The following LRRC37A2 variants were observed in gnomAD, a reference collection of about 807,000 sequenced individuals.
The protein encoded by LRRC37A2 is leucine rich repeat containing 37 member A2.
LRRC37A2 carries 9 observed loss-of-function variants against 68.8 expected under a neutral mutation model. That is an observed-to-expected ratio of 0.13 (90% CI 0.08 to 0.23). The LOEUF is 0.23. Among genes scored for constraint, LRRC37A2 ranks in the 10% least tolerant of loss-of-function variants. The probability of loss-of-function intolerance (pLI) is 1.00; values close to 1 mark genes in which losing one functional copy is unlikely to be tolerated. For missense variants in LRRC37A2, 168 were observed against 950.4 expected (o/e 0.18, Z 10.82); for synonymous variants, 63 against 367.6 (o/e 0.17, Z 9.48).
At chr17:46,494,651 T>C in the LRRC37A2 span, among the ~76,000 whole-genome samples, 1 of 151,524 alleles carries the variant, frequency 6.6e-6, no homozygotes, top group East Asian at 1.9e-4. Flanking sequence ...TTTTCCTCTT[T>C]GATTTTGTTG....
At chr17:46,842,937 A>G in the LRRC37A2 span, among the ~76,000 whole-genome samples, 12 of 152,360 alleles carry the variant, frequency 7.9e-5, no homozygotes, top group African/African-American at 2.9e-4. Context: ...ATGGATGAAG[A>G]AACCGAGGTC....
the LRRC37A2 span, among the ~76,000 whole-genome samples, chr17:47,044,855 T>C: frequency 0.46 from 56,244 of 123,540 alleles, 13,886 homozygotes; most frequent in South Asian, 0.52. Context: ...CTACAAAATA[T>C]ATAAAAATTA....
At chr17:46,708,314 T>G in the LRRC37A2 span, among the ~76,000 whole-genome samples, 4 of 152,254 alleles carry the variant, frequency 2.6e-5, no homozygotes, top group East Asian at 7.7e-4. Context: ...CCACCAGTGG[T>G]GCACAAAAAT....
At chr17:46,815,177 C>T in the LRRC37A2 span, among the ~76,000 whole-genome samples, 2 of 152,084 alleles carry the variant, frequency 1.3e-5, no homozygotes, top group Non-Finnish European at 2.9e-5. Context: ...CCCACCCCAG[C>T]GCCCCCAAGA....
intron 6 of LRRC37A2, among the ~76,000 whole-genome samples, chr17:46,534,863 G>T (rs574788305): frequency 1.5e-4 from 22 of 149,874 alleles, no homozygotes; most frequent in African/African-American, 5.3e-4. Flanking sequence ...CGGCTGCCGG[G>T]CAGAGGGGCT....
At chr17:47,030,088 A>AATCATCATCATC in the LRRC37A2 span, among the ~76,000 whole-genome samples, 2 of 107,122 alleles carry the variant, frequency 1.9e-5, no homozygotes, top group African/African-American at 7.8e-5. Context: ...TAATAATAAT[A>AATCATCATCATC]ATCATCATCA....
the LRRC37A2 span, chr17:46,935,759 G>A: frequency 6.1e-6 from 6 of 986,978 alleles, no homozygotes; most frequent in African/African-American, 1.7e-5. Context: ...CTGACCAGTT[G>A]GCACTGCTGA....
chr17:46,498,156 TGA>T, the LRRC37A2 span, among the ~76,000 whole-genome samples: 3 of 141,956 alleles, frequency 2.1e-5, no homozygotes, highest in Admixed American at 2.1e-4. Context: ...TTCAATCTCT[TGA>T]CCTTGTGATC....
chr17:46,864,139 G>A, the LRRC37A2 span, among the ~76,000 whole-genome samples: 73 of 152,344 alleles, frequency 4.8e-4, no homozygotes, highest in Admixed American at 3.2e-3. Flanking sequence ...GAGGGTGATC[G>A]GAGCCCAGGG....
chr17:46,938,811 G>A, the LRRC37A2 span: 1 of 1,612,222 alleles, frequency 6.2e-7, no homozygotes, highest in East Asian at 2.2e-5. Flanking sequence ...GCAAGTGTGT[G>A]TGTGTGTGAA....
At chr17:46,739,370 CAAAAA>C in the LRRC37A2 span, among the ~76,000 whole-genome samples, 3 of 53,192 alleles carry the variant, frequency 5.6e-5, no homozygotes, top group African/African-American at 2.8e-4. Flanking sequence ...GACTCTGTCT[CAAAAA>C]AAAAAAAAAA....
chr17:46,848,072 C>T, the LRRC37A2 span, among the ~76,000 whole-genome samples: 1 of 151,888 alleles, frequency 6.6e-6, no homozygotes, highest in Non-Finnish European at 1.5e-5. Context: ...TTAATGGAGA[C>T]AGGTAGCTGC....
At chr17:46,801,476 C>T in the LRRC37A2 span, among the ~76,000 whole-genome samples, 11 of 126,136 alleles carry the variant, frequency 8.7e-5, no homozygotes, top group African/African-American at 2.7e-4. Flanking sequence ...AAAAATTAGC[C>T]GAGCATGGTG....
rs1382301266 is a variant in LRRC37A2 at position 46,535,083 on chromosome 17, AGG to A, written c.2907-5091_2907-5090del. ...TTATTTTCAAATTTTTTGTAGAGAC[AGG>A]GTTTTACTCTATTGCCAGTGCTGGT... On this transcript the variant is annotated intron_variant, in intron 6 of 14. Transcript: ENST00000576629. Among the ~76,000 whole-genome samples the A allele has an allele frequency of 6.1e-5, 9 of 148,182 alleles. 1 individual carries two copies. The highest frequency in any genetic ancestry group is 2.1e-4 in the African/African-American group (8 of 38,364).
At chr17:46,996,834 G>A in the LRRC37A2 span, among the ~76,000 whole-genome samples, 1 of 152,166 alleles carries the variant, frequency 6.6e-6, no homozygotes, top group Non-Finnish European at 1.5e-5. Context: ...TATTTATTAT[G>A]ATTTTGTCGG....
the LRRC37A2 span, among the ~76,000 whole-genome samples, chr17:46,382,385 T>C: frequency 2.8e-5 from 2 of 70,706 alleles, no homozygotes; most frequent in African/African-American, 8.7e-5. Flanking sequence ...TTTTAGAGGC[T>C]GAGTCTCACT....
chr17:47,028,451 C>A, the LRRC37A2 span: 1 of 830,240 alleles, frequency 1.2e-6, no homozygotes, highest in Non-Finnish European at 2.0e-6. Context: ...AGCCCATTAT[C>A]AACTCTGAAA....
the LRRC37A2 span, chr17:47,018,246 G>C: frequency 6.2e-7 from 1 of 1,611,516 alleles, no homozygotes; most frequent in Non-Finnish European, 8.5e-7. Flanking sequence ...TCCTCCTATG[G>C]AGCATGAACT....
the LRRC37A2 span, chr17:46,937,833 CT>C: frequency 1.3e-5 from 2 of 152,414 alleles, no homozygotes; most frequent in African/African-American, 4.8e-5. Flanking sequence ...GTTCATTCAT[CT>C]TGTGATTAGT....
Sources: allele counts gnomAD v4.1 joint callset (sites outside exome capture counted in the v4.1 genomes callset), GRCh38; gene constraint gnomAD v4.1.1; transcripts MANE v1.5; gene names NCBI Gene and HGNC (gene_info 2026-07-23, HGNC 2026-07-21).